The following TCF12 variants were observed in gnomAD, a reference collection of about 807,000 sequenced individuals.
TCF12 encodes the protein DNA-binding protein HTF4.
TCF12 carries 45 observed loss-of-function variants against 86.0 expected under a neutral mutation model. That is an observed-to-expected ratio of 0.52 (90% CI 0.41 to 0.67). The LOEUF is 0.67. TCF12 is among the 30% of genes least tolerant of loss of function. The pLI, the probability that TCF12 is intolerant of heterozygous loss-of-function variation, is 0.00. For missense variants in TCF12, 881 were observed against 859.9 expected (o/e 1.02, Z -0.31); for synonymous variants, 330 against 299.6 (o/e 1.10, Z -1.05).
chr15:57,013,317 AT>A (rs1278911838), intron 3 of TCF12, among the ~76,000 whole-genome samples: 4 of 152,034 alleles, frequency 2.6e-5, no homozygotes, highest in African/African-American at 9.7e-5. Context: ...CAATTGAAGC[AT>A]TTTTTCCTTT....
At chr15:57,028,199 C>T (rs1216728518) in intron 3 of TCF12, among the ~76,000 whole-genome samples, 7 of 152,118 alleles carry the variant, frequency 4.6e-5, no homozygotes, top group African/African-American at 1.7e-4. Flanking sequence ...AACTCCTGAC[C>T]TCAGGTGATC....
intron 8 of TCF12, among the ~76,000 whole-genome samples, chr15:57,225,074 C>CT (rs2151890892): frequency 6.6e-6 from 1 of 151,970 alleles, no homozygotes; most frequent in East Asian, 1.9e-4. Flanking sequence ...TTGAATTAGA[C>CT]TATCATTTTA....
intron 4 of TCF12, chr15:57,072,863 T>A: frequency 2.6e-6 from 1 of 382,734 alleles, no homozygotes; most frequent in Non-Finnish European, 4.2e-6. Context: ...GCCAGAAGAG[T>A]AAAATGTTTT....
At chr15:57,020,897 G>T (rs1420918621) in intron 3 of TCF12, among the ~76,000 whole-genome samples, 1 of 152,050 alleles carries the variant, frequency 6.6e-6, no homozygotes. Flanking sequence ...AAACCAAGGG[G>T]AACTATATCA....
At chr15:56,919,806 C>A (rs1418024274) in intron 1 of TCF12, 86 bp from the exon 2 acceptor site, 1 of 1,231,794 alleles carries the variant, frequency 8.1e-7, no homozygotes, top group African/African-American at 1.5e-5. Flanking sequence ...AGCGCTCTTG[C>A]GTAATCTTCC....
chr15:57,072,603 A>G (rs2069498041), intron 4 of TCF12: 1 of 1,216,116 alleles, frequency 8.2e-7, no homozygotes, highest in East Asian at 5.0e-5. Context: ...TACAGTAATT[A>G]GAAAGGACAC....
chr15:56,943,148 T>C (rs1363916323), intron 3 of TCF12, among the ~76,000 whole-genome samples: 2 of 152,136 alleles, frequency 1.3e-5, no homozygotes, highest in African/African-American at 4.8e-5. Flanking sequence ...TAGCCTCTTA[T>C]TTTTTACACA....
chr15:57,278,086 C>T (rs2061490258), intron 19 of TCF12, among the ~76,000 whole-genome samples: 1 of 152,130 alleles, frequency 6.6e-6, no homozygotes, highest in Admixed American at 6.5e-5. Context: ...CCCACCTCAG[C>T]CTCCCAGGTA....
chr15:57,035,553 C>T (rs754993467), intron 3 of TCF12, among the ~76,000 whole-genome samples: 1 of 152,162 alleles, frequency 6.6e-6, no homozygotes, highest in Non-Finnish European at 1.5e-5. Flanking sequence ...AGGTGTGAGC[C>T]ACTAGTGCCC....
chr15:57,259,937 A>C (rs2060513618), intron 16 of TCF12, among the ~76,000 whole-genome samples: 2 of 152,224 alleles, frequency 1.3e-5, no homozygotes, highest in Admixed American at 1.3e-4. Context: ...ATTCTCCAGA[A>C]AATATATGAG....
At chr15:56,981,358 G>GTCC (rs1243598697) in intron 3 of TCF12, among the ~76,000 whole-genome samples, 1 of 152,202 alleles carries the variant, frequency 6.6e-6, no homozygotes, top group Non-Finnish European at 1.5e-5. Context: ...TCTTTGCTGT[G>GTCC]TCCTCTGGAG....
intron 5 of TCF12, among the ~76,000 whole-genome samples, chr15:57,106,977 A>G (rs1381656795): frequency 6.6e-6 from 1 of 152,246 alleles, no homozygotes; most frequent in African/African-American, 2.4e-5. Flanking sequence ...GGGACTGCAA[A>G]ATGGTATAGT....
intron 3 of TCF12, among the ~76,000 whole-genome samples, chr15:56,983,728 C>A (rs543972224): frequency 6.6e-6 from 1 of 151,852 alleles, no homozygotes; most frequent in African/African-American, 2.4e-5. Flanking sequence ...GGGCTAGGCA[C>A]GGTGGCTCAA....
intron 8 of TCF12, among the ~76,000 whole-genome samples, chr15:57,215,836 A>G (rs2058310136): frequency 6.6e-6 from 1 of 152,146 alleles, no homozygotes; most frequent in South Asian, 2.1e-4. Context: ...AAAATGAGCT[A>G]ATAAAGTAGA....
At chr15:56,973,994 A>G (rs2062472338) in intron 3 of TCF12, among the ~76,000 whole-genome samples, 1 of 152,160 alleles carries the variant, frequency 6.6e-6, no homozygotes, top group Non-Finnish European at 1.5e-5. Flanking sequence ...ATATCATGAA[A>G]GACAAAAATT....
At chr15:57,264,538 TTTTG>T (rs761120806) in intron 18 of TCF12, among the ~76,000 whole-genome samples, 39 of 151,924 alleles carry the variant, frequency 2.6e-4, no homozygotes, top group African/African-American at 6.0e-4. Context: ...TTTTGTGGTT[TTTTG>T]TTTGTTTGTT....
At chr15:57,274,215 A>G (rs1323767622) in intron 19 of TCF12, among the ~76,000 whole-genome samples, 3 of 80,500 alleles carry the variant, frequency 3.7e-5, no homozygotes, top group Non-Finnish European at 5.5e-5. Context: ...AACTACAGCC[A>G]TGGAGCCTCA....
chr15:57,151,453 G>A (rs1045942389), intron 5 of TCF12, among the ~76,000 whole-genome samples: 5 of 152,100 alleles, frequency 3.3e-5, no homozygotes, highest in Non-Finnish European at 7.4e-5. Context: ...CTTCTATCTA[G>A]GGTGTGGAAA....
chr15:57,185,001 T>C (rs1479877687), intron 6 of TCF12, among the ~76,000 whole-genome samples: 1 of 152,214 alleles, frequency 6.6e-6, no homozygotes, highest in Non-Finnish European at 1.5e-5. Flanking sequence ...GGTCTGATAA[T>C]TACATCTTTC....
Sources: allele counts gnomAD v4.1 joint callset (sites outside exome capture counted in the v4.1 genomes callset), GRCh38; gene constraint gnomAD v4.1.1; transcripts MANE v1.5; gene names NCBI Gene and HGNC (gene_info 2026-07-23, HGNC 2026-07-21).